DNAJC17: variants seen among roughly 807,000 people sequenced by gnomAD.
DNAJC17 encodes DnaJ heat shock protein family (Hsp40) member C17.
In DNAJC17, 35 loss-of-function variants were observed where a neutral mutation model predicts 48.1. The observed-to-expected ratio is 0.73, with a 90% CI of 0.56 to 0.96. The LOEUF (loss-of-function observed/expected upper bound fraction) is 0.96, where lower values mean the gene tolerates loss of function less well. Ranked by LOEUF, DNAJC17 falls within the 50% of genes least tolerant of loss-of-function variation. The pLI is 0.00. For missense variants in DNAJC17, 355 were observed against 377.1 expected (o/e 0.94, Z 0.48); for synonymous variants, 117 against 142.7 (o/e 0.82, Z 1.28).
At chr15:40,807,004 G>T in intron 1 of DNAJC17, 1 of 512,232 alleles carries the variant, frequency 2.0e-6, no homozygotes. Flanking sequence ...GCCTGCAGAA[G>T]AGACTGAAAT....
chr15:40,787,628 G>C (rs1308926725), intron 1 of DNAJC17, among the ~76,000 whole-genome samples: 7 of 152,222 alleles, frequency 4.6e-5, no homozygotes, highest in East Asian at 3.9e-4. Context: ...CAGCCACCCA[G>C]CCCTTCCCCG....
chr15:40,772,639 G>A (rs969831268), intron 10 of DNAJC17, among the ~76,000 whole-genome samples: 6 of 152,244 alleles, frequency 3.9e-5, no homozygotes, highest in Admixed American at 2.0e-4. Context: ...GCAGGCTGGC[G>A]TGGGTAAAGT....
chr15:40,774,161 AC>A (rs971506122), intron 9 of DNAJC17, 194 bp downstream of exon 9: 6 of 650,934 alleles, frequency 9.2e-6, no homozygotes, highest in South Asian at 1.8e-5. Context: ...TCCCCAGAGC[AC>A]CCCCCATCCA....
chr15:40,772,360 G>A (rs1596074156), intron 10 of DNAJC17: 1 of 167,160 alleles, frequency 6.0e-6, no homozygotes, highest in South Asian at 2.1e-4. Flanking sequence ...CCATTTCTAC[G>A]ACCTAAATCA....
At chr15:40,776,683 T>G in intron 4 of DNAJC17, 56 bp from the exon 5 acceptor site, 1 of 1,580,948 alleles carries the variant, frequency 6.3e-7, no homozygotes, top group Non-Finnish European at 8.7e-7. Flanking sequence ...CCATGTGGCC[T>G]CGGCCCACCC....
chr15:40,807,262 C>A, intron 1 of DNAJC17, 107 bp downstream of exon 1: 1 of 1,599,762 alleles, frequency 6.3e-7, no homozygotes, highest in African/African-American at 1.3e-5. Flanking sequence ...GCTCCCCGCC[C>A]AGGACCCGAA....
At chr15:40,801,870 C>G (rs1158686824) in intron 1 of DNAJC17, among the ~76,000 whole-genome samples, 3 of 151,752 alleles carry the variant, frequency 2.0e-5, no homozygotes, top group Non-Finnish European at 4.4e-5. Flanking sequence ...CTCAATAGAT[C>G]AGAATGGAAT....
At chr15:40,804,120 C>A (rs866170494) in intron 1 of DNAJC17, among the ~76,000 whole-genome samples, 2 of 150,546 alleles carry the variant, frequency 1.3e-5, no homozygotes, top group African/African-American at 5.0e-5. Context: ...GTGCGTAACA[C>A]CCTGCCCAGC....
rs1049498332 is a variant in DNAJC17 at position 40,765,707 on chromosome 15, A to G, written c.*2233T>C. ...TGCTCAGCCCCTAAGAATCCTTGCT[A>G]CTCTCTGTAGCCTTTACCTGAACCT... On this transcript the variant is annotated 3_prime_UTR_variant, in exon 11 of 11. Coordinates refer to ENST00000220496, the MANE Select transcript of DNAJC17 (RefSeq NM_018163.3). 5 of 462,644 alleles carry G rather than the reference A, an allele frequency of 1.1e-5. No homozygotes were observed. Among genetic ancestry groups the G allele is most frequent in the African/African-American group, 1.0e-4 (5 of 49,774 alleles). 28.7% of individuals were successfully genotyped at this position (462,644 alleles called of 1,614,324 possible). A position where few individuals can be genotyped will look rare whatever the true frequency, so the allele number is the denominator to read the frequency against.
intron 1 of DNAJC17, among the ~76,000 whole-genome samples, chr15:40,797,710 C>CTCAAACAAATTTCTAA (rs1889973658): frequency 1.4e-5 from 2 of 147,892 alleles, no homozygotes; most frequent in South Asian, 2.2e-4. Context: ...CCGCACCTGG[C>CTCAAACAAATTTCTAA]CGATCTCTTT....
intron 10 of DNAJC17, chr15:40,771,195 G>A: frequency 3.0e-6 from 2 of 675,966 alleles, no homozygotes; most frequent in Non-Finnish European, 2.5e-6. Context: ...CTGCTCTCTG[G>A]GTCCTGGACA....
At chr15:40,776,090 A>G in intron 6 of DNAJC17, 106 bp downstream of exon 6, 1 of 1,042,096 alleles carries the variant, frequency 9.6e-7, no homozygotes, top group Non-Finnish European at 1.4e-6. Flanking sequence ...CCAGGGTTCC[A>G]GCAGGTAGAA....
chr15:40,767,743 G>T lies in DNAJC17; in HGVS notation c.*197C>A. 1 of 731,728 alleles carries T rather than the reference G, an allele frequency of 1.4e-6. No individual in the cohort carries two copies. Among genetic ancestry groups the T allele is most frequent in the South Asian group, 2.0e-5 (1 of 51,082 alleles). 45.3% of individuals were successfully genotyped at this position (731,728 alleles called of 1,614,324 possible). On this transcript the variant is annotated 3_prime_UTR_variant, in exon 11 of 11. Coordinates refer to ENST00000220496, the MANE Select transcript of DNAJC17 (RefSeq NM_018163.3). ...GTGCTCTGCTTGTGCACGGACTCTG[G>T]GACTCTCACCCTGCGGAGCGTTTCC...
intron 5 of DNAJC17, 119 bp downstream of exon 5, chr15:40,776,423 C>G (rs1428320915): frequency 1.4e-6 from 2 of 1,462,232 alleles, no homozygotes; most frequent in Non-Finnish European, 9.5e-7. Context: ...ACAAATCACC[C>G]AGCTCCCACT....
At chr15:40,800,530 ACCC>A (rs1450726392) in intron 1 of DNAJC17, among the ~76,000 whole-genome samples, 1 of 150,656 alleles carries the variant, frequency 6.6e-6, no homozygotes, top group Admixed American at 6.6e-5. Flanking sequence ...TCACTCTGTC[ACCC>A]AGGCTGGAGC....
chr15:40,782,495 C>T (rs998248421), intron 1 of DNAJC17, among the ~76,000 whole-genome samples: 13 of 152,112 alleles, frequency 8.5e-5, no homozygotes, highest in Non-Finnish European at 1.3e-4. Flanking sequence ...GATTCTCTTT[C>T]GTGTGCTACC....
intron 1 of DNAJC17, among the ~76,000 whole-genome samples, chr15:40,799,002 G>C (rs528124273): frequency 2.6e-5 from 4 of 152,092 alleles, no homozygotes; most frequent in Admixed American, 2.6e-4. Context: ...GGCGGATCAC[G>C]AGGTGAGGAG....
chr15:40,784,557 A>G (rs532632569), intron 1 of DNAJC17, among the ~76,000 whole-genome samples: 23 of 152,176 alleles, frequency 1.5e-4, no homozygotes, highest in Non-Finnish European at 2.4e-4. Context: ...CATAAGGGTT[A>G]ATTATGATAC....
chr15:40,777,571 T>G (rs1429615437), intron 4 of DNAJC17, among the ~76,000 whole-genome samples: 2 of 151,876 alleles, frequency 1.3e-5, no homozygotes, highest in Non-Finnish European at 1.5e-5. Flanking sequence ...ATACAAAAAT[T>G]AGCCGGGTGT....
Sources: allele counts gnomAD v4.1 joint callset (sites outside exome capture counted in the v4.1 genomes callset), GRCh38; gene constraint gnomAD v4.1.1; transcripts MANE v1.5; gene names NCBI Gene and HGNC (gene_info 2026-07-23, HGNC 2026-07-21).